The following F8 variants were observed in gnomAD, a reference collection of about 807,000 sequenced individuals.
The protein encoded by F8 is coagulation factor VIII, also known as antihemophilic factor.
In F8, 12 loss-of-function variants were observed where a neutral mutation model predicts 140.6. The ratio of observed to expected loss-of-function variants is 0.09; its 90% CI spans 0.05 to 0.14. The LOEUF (loss-of-function observed/expected upper bound fraction) is 0.14. F8 is among the 10% of genes least tolerant of loss of function. F8 has a pLI of 1.00. For missense variants in F8, 1,354 were observed against 1,720.7 expected, an observed-to-expected ratio of 0.79 and a Z score of 3.77; for synonymous variants, 585 against 614.6, an observed-to-expected ratio of 0.95 and a Z score of 0.71.
intron 12 of F8, 37 bp from the exon 13 acceptor site, chrX:154,947,944 C>T (rs367615232): frequency 3.8e-6 from 4 of 1,049,530 alleles, no homozygotes; most frequent in African/African-American, 3.7e-5. Flanking sequence ...TTAGACACAT[C>T]ACAGATTTAG....
intron 1 of F8, among the ~76,000 whole-genome samples, chrX:155,013,012 G>A (rs182009831): frequency 9.2e-6 from 1 of 108,768 alleles, no homozygotes; most frequent in East Asian, 2.9e-4. Flanking sequence ...CAGGCGTGGT[G>A]GCGGGCGCCT....
chrX:154,851,016 A>G (rs1325408985), intron 25 of F8, among the ~76,000 whole-genome samples: 2 of 111,983 alleles, frequency 1.8e-5, no homozygotes, highest in African/African-American at 3.2e-5. Flanking sequence ...CATTTCTATA[A>G]CCCCAAAAGG....
rs2073131427 is a variant in F8 at position 154,921,659 on chromosome X, G to A, written c.5219+6912C>T. On this transcript the variant is annotated intron_variant, in intron 14 of 25. Transcript: ENST00000360256. ...GTCCATCAATGATAGACTGGATTAA[G>A]AAAATGTGGCACATATACACCATGG... Among the ~76,000 whole-genome samples the A allele has an allele frequency of 3.6e-5, 4 of 111,862 alleles. No homozygotes were observed. The South Asian group carries it at 1.5e-3, about 42-fold the overall frequency.
In F8 at chrX:154,844,498, G is replaced by A. The variant is rs782812324; in HGVS notation, c.6901-6746C>T. Among the ~76,000 whole-genome samples the A allele has an allele frequency of 2.5e-3, 274 of 110,593 alleles. 1 individual carries two copies. The highest frequency in any genetic ancestry group is 8.3e-3 in the African/African-American group (252 of 30,267). On this transcript the variant is annotated intron_variant, in intron 25 of 25. Coordinates refer to ENST00000360256, the MANE Select transcript of F8 (RefSeq NM_000132.4). ...GTGGTTTGTAGTTCTCCTTGAAGAG[G>A]TCCTTCATATCCCTTGTAAGTTGGA...
intron 22 of F8, among the ~76,000 whole-genome samples, chrX:154,871,888 G>T (rs1033712482): frequency 8.9e-6 from 1 of 111,853 alleles, no homozygotes; most frequent in East Asian, 2.8e-4. Flanking sequence ...ATGGGCAAAG[G>T]ATATGAACAG....
intron 13 of F8, among the ~76,000 whole-genome samples, chrX:154,941,598 A>G (rs1425582804): frequency 6.7e-5 from 7 of 104,283 alleles, no homozygotes; most frequent in Admixed American, 2.0e-4. Context: ...TCAACATTAG[A>G]CAGATCAACG....
intron 13 of F8, among the ~76,000 whole-genome samples, chrX:154,944,751 C>G (rs1189537752): frequency 9.0e-6 from 1 of 111,470 alleles, no homozygotes; most frequent in Admixed American, 9.5e-5. Context: ...TTCACAATAG[C>G]AAAGACTTGG....
chrX:154,845,445 T>C (rs1427758259), intron 25 of F8, among the ~76,000 whole-genome samples: 2 of 111,946 alleles, frequency 1.8e-5, no homozygotes, highest in African/African-American at 3.3e-5. Context: ...GTTGGTAAGC[T>C]ATTAATTATT....
intron 1 of F8, among the ~76,000 whole-genome samples, chrX:155,000,965 A>G (rs995643867): frequency 9.0e-6 from 1 of 111,524 alleles, no homozygotes; most frequent in African/African-American, 3.3e-5. Context: ...GCAGCTTCTG[A>G]TTGTAAGTAT....
chrX:155,002,152 C>T (rs1476194473), intron 1 of F8, among the ~76,000 whole-genome samples: 2 of 112,290 alleles, frequency 1.8e-5, no homozygotes, highest in South Asian at 3.7e-4. Flanking sequence ...TCATCTATGT[C>T]GTAGCATGTG....
intron 1 of F8, among the ~76,000 whole-genome samples, chrX:155,019,453 A>C (rs1209278442): frequency 4.5e-5 from 5 of 111,380 alleles, no homozygotes; most frequent in Non-Finnish European, 9.4e-5. Flanking sequence ...TTAGGGTAAA[A>C]TTACTAGAAT....
intron 22 of F8, among the ~76,000 whole-genome samples, chrX:154,879,687 A>G (rs1459055206): frequency 1.8e-5 from 2 of 111,763 alleles, no homozygotes; most frequent in Admixed American, 1.9e-4. Context: ...CTGTATCCCC[A>G]CCCAAATCTC....
intron 13 of F8, among the ~76,000 whole-genome samples, chrX:154,935,454 G>T (rs1044104701): frequency 1.1e-4 from 12 of 111,719 alleles, no homozygotes; most frequent in Non-Finnish European, 5.6e-5. Flanking sequence ...TTCAACAAAT[G>T]GTGCCGGGAC....
intron 1 of F8, among the ~76,000 whole-genome samples, chrX:155,011,039 G>T (rs782577478): frequency 8.9e-6 from 1 of 112,099 alleles, no homozygotes; most frequent in Admixed American, 9.5e-5. Flanking sequence ...AACCAAAGGG[G>T]TAAAATAAAT....
At chrX:154,876,265 G>T (rs1557274012) in intron 22 of F8, among the ~76,000 whole-genome samples, 1 of 108,977 alleles carries the variant, frequency 9.2e-6, no homozygotes, top group African/African-American at 3.4e-5. Flanking sequence ...GACTACAGGC[G>T]CCCACCACCA....
rs782407735 is a variant in F8, at chrX:154,861,850, C to T, written c.6591G>A (p.Leu2197=). The change falls in exon 24 of 26, where the codon TTG becomes TTA. Residue 2197 remains leucine, a synonymous_variant. Coordinates refer to ENST00000360256, the MANE Select transcript of F8 (RefSeq NM_000132.4). ...GCDLNSCSMP[L]GMESKAISDA... is the part of the protein sequence containing the mutation. ...CTGATATTGCTTTACTCTCCATTCC[C>T]AATGGCATGCTGCAACCTCAAAGAA... 1 of 1,209,547 alleles carries T rather than the reference C, an allele frequency of 8.3e-7. No individual in the cohort carries two copies. Among genetic ancestry groups the T allele is most frequent in the Non-Finnish European group, 1.1e-6 (1 of 894,944 alleles).
intron 21 of F8, among the ~76,000 whole-genome samples, chrX:154,897,220 C>T (rs1252674309): frequency 8.9e-6 from 1 of 112,731 alleles, no homozygotes; most frequent in Non-Finnish European, 1.9e-5. Context: ...GTATCAGTTA[C>T]TGTCCTAATA....
chrX:154,976,115 G>A (rs1170326223), intron 6 of F8, among the ~76,000 whole-genome samples: 2 of 111,287 alleles, frequency 1.8e-5, no homozygotes, highest in Non-Finnish European at 1.9e-5. Flanking sequence ...GGCTGGTCTC[G>A]AACTTCTGAC....
chrX:154,939,978 C>G (rs1457336782), intron 13 of F8, among the ~76,000 whole-genome samples: 2 of 112,220 alleles, frequency 1.8e-5, no homozygotes, highest in Non-Finnish European at 3.8e-5. Flanking sequence ...GGAAAACTAA[C>G]AAACAGAAAG....
Sources: allele counts gnomAD v4.1 joint callset (sites outside exome capture counted in the v4.1 genomes callset), GRCh38; gene constraint gnomAD v4.1.1; transcripts MANE v1.5; gene names NCBI Gene and HGNC (gene_info 2026-07-23, HGNC 2026-07-21).